Variants in ANKS4B observed in about 807,000 individuals in gnomAD.
The protein encoded by ANKS4B is ankyrin repeat and SAM domain-containing protein 4B.
ANKS4B carries 21 observed loss-of-function variants against 20.2 expected under a neutral mutation model. That is an observed-to-expected ratio of 1.04 (90% CI 0.74 to 1.50). ANKS4B has a LOEUF of 1.50. Ranked by LOEUF, ANKS4B falls within the 40% of genes most tolerant of loss-of-function variation. ANKS4B has a pLI of 0.00. For synonymous variants in ANKS4B, 179 were observed against 194.5 expected (o/e 0.92, Z 0.66); for missense variants, 473 against 494.6 (o/e 0.96, Z 0.41).
chr16:21,233,758 A>G lies in ANKS4B; in HGVS notation c.21A>G (p.Gln7=). The G allele has an allele frequency of 6.2e-7, 1 of 1,613,968 alleles. No individual in the cohort carries two copies. Among genetic ancestry groups the G allele is most frequent in the South Asian group, 1.1e-5 (1 of 90,988 alleles). The change falls in exon 1 of 2, where the codon CAA becomes CAG. Residue 7 remains glutamine, a synonymous_variant. Transcript: ENST00000311620. ...GAAAAATGTCTACTCGTTACCACCA[A>G]GCTGCTAGTGATAGTTACCTGGAAC... MSTRYH[Q]AASDSYLELL...
chr16:21,236,748 C>G (rs1020786187), intron 1 of ANKS4B, among the ~76,000 whole-genome samples: 1 of 152,012 alleles, frequency 6.6e-6, no homozygotes, highest in Non-Finnish European at 1.5e-5. Context: ...GTAACATGAG[C>G]TGAACCCAGA....
Position 21,233,713 on chromosome 16 carries a change from G to A in ANKS4B, c.-25G>A. On this transcript the variant is annotated 5_prime_UTR_variant, in exon 1 of 2. Coordinates refer to ENST00000311620, the MANE Select transcript of ANKS4B (RefSeq NM_145865.3). ...CCTTGCTCTGCCTGGAGAGACATCT[G>A]GCCAAGTTCTGGTGAGCAGGAAAAA... is the stretch of plus-strand genomic sequence containing the variant. 6.2e-7 allele frequency: 1 copy of A among 1,610,454 alleles called. No individual in the cohort carries two copies. Among genetic ancestry groups the A allele is most frequent in the Non-Finnish European group, 8.5e-7 (1 of 1,178,076 alleles).
intron 1 of ANKS4B, chr16:21,244,072 T>TAAAAAAAA (rs35018963): frequency 8.8e-6 from 1 of 113,064 alleles, no homozygotes; most frequent in Non-Finnish European, 1.9e-5. Flanking sequence ...GGTGCAGCTG[T>TAAAAAAAA]AAAAAAAAAA....
At chr16:21,248,888 C>T (rs140194496) in intron 1 of ANKS4B, among the ~76,000 whole-genome samples, 50 of 152,214 alleles carry the variant, frequency 3.3e-4, no homozygotes, top group East Asian at 7.7e-4. Flanking sequence ...GATAATGGTA[C>T]GCTACTGTGT....
chr16:21,244,901 T>A lies in ANKS4B; in HGVS notation c.165-4830T>A, dbSNP rs140787617. On this transcript the variant is annotated intron_variant, in intron 1 of 1. Transcript: ENST00000311620. ...GATTTGATTTCATTTTCTTTCCTTT[T>A]CCACTCTTTCCCCTTACCCCCAACT... Among the ~76,000 whole-genome samples the A allele has an allele frequency of 3.4e-4, 51 of 152,032 alleles. 1 individual carries two copies. The East Asian group carries it at 8.2e-3, about 24-fold the overall frequency.
Position 21,250,001 on chromosome 16 carries a change from G to A in ANKS4B, c.435G>A (p.Arg145=). 6.2e-7 allele frequency: 1 copy of A among 1,614,200 alleles called. No individual in the cohort carries two copies. Among genetic ancestry groups the A allele is most frequent in the South Asian group, 1.1e-5 (1 of 91,078 alleles). Residue 145 remains arginine, a synonymous_variant, in exon 2 of 2, where the codon AGG becomes AGA. Coordinates refer to ENST00000311620, the MANE Select transcript of ANKS4B (RefSeq NM_145865.3). ...AGCAGGCTCAGAAGAATGCCAGGAGGCAGATCAAAGAGTGTGAGAGGCTCC... is the reference window on the plus strand; with the variant it reads ...AGCAGGCTCAGAAGAATGCCAGGAGACAGATCAAAGAGTGTGAGAGGCTCC... ...LKEQAQKNAR[R]QIKECERLQE... is the part of the protein sequence containing the mutation.
intron 1 of ANKS4B, among the ~76,000 whole-genome samples, chr16:21,241,671 C>T (rs2093326680): frequency 6.6e-6 from 1 of 152,170 alleles, no homozygotes; most frequent in African/African-American, 2.4e-5. Context: ...CTTGGCCTCC[C>T]AAAGTGCTAG....
intron 1 of ANKS4B, among the ~76,000 whole-genome samples, chr16:21,248,050 T>C (rs919084772): frequency 6.6e-6 from 1 of 152,172 alleles, no homozygotes; most frequent in Non-Finnish European, 1.5e-5. Flanking sequence ...CTGAGTTTGG[T>C]TCAGTTATTT....
In ANKS4B at chr16:21,251,699, G is replaced by A. The variant is rs139657409; in HGVS notation, c.*879G>A. On this transcript the variant is annotated 3_prime_UTR_variant, in exon 2 of 2. Coordinates refer to ENST00000311620, the MANE Select transcript of ANKS4B (RefSeq NM_145865.3). ...ACATGTTTACAAGTAATGGAAATGC[G>A]TCTATAATACTCCTGCCTGAGAATA... 423 of 152,286 alleles carry A rather than the reference G, an allele frequency of 2.8e-3. 2 individuals carry two copies. The highest frequency in any genetic ancestry group is 3.4e-3 in the Middle Eastern group (1 of 294). The allele number at this position is 152,286 out of a possible 1,614,324, so 9.4% of individuals were successfully genotyped here. A position where few individuals can be genotyped will look rare whatever the true frequency, so the allele number is the denominator to read the frequency against.
intron 1 of ANKS4B, among the ~76,000 whole-genome samples, chr16:21,247,400 G>A (rs1035441665): frequency 2.0e-5 from 3 of 152,118 alleles, no homozygotes; most frequent in African/African-American, 7.2e-5. Context: ...TTCTGGTCTG[G>A]AGACCCAACG....
intron 1 of ANKS4B, among the ~76,000 whole-genome samples, chr16:21,242,914 T>C (rs9933675): frequency 0.073 from 11,102 of 152,282 alleles, 445 homozygotes; most frequent in Non-Finnish European, 0.083. Context: ...CCAGGAAATT[T>C]GAACCACTTT....
intron 1 of ANKS4B, among the ~76,000 whole-genome samples, chr16:21,246,189 T>C (rs1397247008): frequency 6.6e-6 from 1 of 152,222 alleles, no homozygotes; most frequent in Non-Finnish European, 1.5e-5. Context: ...TTTAATGTTG[T>C]GTTTGGTTTT....
intron 1 of ANKS4B, among the ~76,000 whole-genome samples, chr16:21,242,053 T>A (rs1313007668): frequency 6.6e-6 from 1 of 152,134 alleles, no homozygotes; most frequent in East Asian, 1.9e-4. Context: ...AATAACTAAT[T>A]TTTAAAAAAA....
chr16:21,239,130 G>GA, intron 1 of ANKS4B, among the ~76,000 whole-genome samples: 1 of 152,324 alleles, frequency 6.6e-6, no homozygotes, highest in Middle Eastern at 3.4e-3. Context: ...AGGTTGAGGA[G>GA]AAAAGCGAAC....
chr16:21,237,647 AC>A (rs2093321869), intron 1 of ANKS4B, among the ~76,000 whole-genome samples: 1 of 151,934 alleles, frequency 6.6e-6, no homozygotes, highest in South Asian at 2.1e-4. Context: ...AAGGGTGCTA[AC>A]CCCATTCATG....
At chr16:21,240,695 C>T (rs189917627) in intron 1 of ANKS4B, among the ~76,000 whole-genome samples, 1 of 152,168 alleles carries the variant, frequency 6.6e-6, no homozygotes, top group Non-Finnish European at 1.5e-5. Context: ...ATAAACTATA[C>T]TGAAACCTTC....
intron 1 of ANKS4B, among the ~76,000 whole-genome samples, chr16:21,234,521 C>CACA (rs71151624): frequency 5.4e-5 from 8 of 149,318 alleles, no homozygotes; most frequent in South Asian, 2.1e-4. Context: ...CACACACACA[C>CACA]CCCATCTCTT....
At position 21,245,330 on chromosome 16, in the gene ANKS4B, T is replaced by A. The variant is rs538400431; in HGVS notation, c.165-4401T>A. Among the ~76,000 whole-genome samples, 71 of 152,196 alleles carry A rather than the reference T, an allele frequency of 4.7e-4. 2 individuals carry two copies. The South Asian group carries it at 0.014, about 30-fold the overall frequency. ...ACATGACTTGCTGGACTTCTTTGAG[T>A]TGGGTTGGAGACTTCTGCCGGGACA... On this transcript the variant is annotated intron_variant, in intron 1 of 1. Transcript: ENST00000311620.
At chr16:21,249,129 G>C (rs1293762095) in intron 1 of ANKS4B, among the ~76,000 whole-genome samples, 1 of 152,150 alleles carries the variant, frequency 6.6e-6, no homozygotes, top group Admixed American at 6.6e-5. Flanking sequence ...CCTAGTGCTG[G>C]CCAATGAGAC....
Sources: allele counts gnomAD v4.1 joint callset (sites outside exome capture counted in the v4.1 genomes callset), GRCh38; gene constraint gnomAD v4.1.1; transcripts MANE v1.5; gene names NCBI Gene and HGNC (gene_info 2026-07-23, HGNC 2026-07-21).